Variants in ROBO2 observed in about 807,000 individuals in gnomAD.
ROBO2 encodes roundabout guidance receptor 2, also known as roundabout homolog 2.
A neutral mutation model predicts 160.8 loss-of-function variants in ROBO2; 53 were observed. The observed-to-expected ratio is 0.33, with a 90% CI of 0.26 to 0.41. The LOEUF (loss-of-function observed/expected upper bound fraction) is 0.41, where lower values mean the gene tolerates loss of function less well. Ranked by LOEUF, ROBO2 falls within the 10% of genes least tolerant of loss-of-function variation. ROBO2 has a pLI of 1.00. For missense variants in ROBO2, 1,577 were observed against 1,722.4 expected (o/e 0.92, Z 1.49); for synonymous variants, 664 against 611.7 (o/e 1.09, Z -1.26).
At chr3:77,179,909 T>C (rs2080544176) in intron 2 of ROBO2, among the ~76,000 whole-genome samples, 1 of 152,088 alleles carries the variant, frequency 6.6e-6, no homozygotes, top group Admixed American at 6.6e-5. Context: ...AGCCCGTTTG[T>C]AATTAGATAA....
At chr3:76,036,581 C>T (rs1028839388) in intron 2 of ROBO2, among the ~76,000 whole-genome samples, 11 of 151,114 alleles carry the variant, frequency 7.3e-5, no homozygotes, top group East Asian at 4.0e-4. Flanking sequence ...CTCGGCTCAC[C>T]GCAACCTCTG....
At chr3:77,442,445 C>T (rs73101708) in intron 2 of ROBO2, among the ~76,000 whole-genome samples, 341 of 152,100 alleles carry the variant, frequency 2.2e-3, no homozygotes, top group Non-Finnish European at 4.4e-3. Context: ...AATTTTCAAA[C>T]TTTTTTCACC....
chr3:76,856,938 G>T (rs1433378727), intron 2 of ROBO2, among the ~76,000 whole-genome samples: 1 of 152,180 alleles, frequency 6.6e-6, no homozygotes, highest in East Asian at 1.9e-4. Flanking sequence ...TACCGCATTT[G>T]CATATGGCAT....
intron 2 of ROBO2, among the ~76,000 whole-genome samples, chr3:76,387,504 A>T (rs1189224187): frequency 6.6e-6 from 1 of 152,168 alleles, no homozygotes; most frequent in African/African-American, 2.4e-5. Flanking sequence ...CTGAATCTCA[A>T]TTACCTAAAA....
intron 2 of ROBO2, among the ~76,000 whole-genome samples, chr3:76,790,609 G>A (rs567985809): frequency 1.3e-5 from 2 of 151,726 alleles, no homozygotes; most frequent in African/African-American, 4.8e-5. Context: ...CTACAGTTGG[G>A]CAAAATTATC....
intron 2 of ROBO2, among the ~76,000 whole-genome samples, chr3:77,339,906 CT>C (rs1560572143): frequency 5.3e-5 from 8 of 152,052 alleles, no homozygotes; most frequent in Non-Finnish European, 7.4e-5. Flanking sequence ...TACCAGATAG[CT>C]ACTTTTTATT....
chr3:76,075,456 C>T (rs1157538382), intron 2 of ROBO2, among the ~76,000 whole-genome samples: 1 of 141,314 alleles, frequency 7.1e-6, no homozygotes, highest in African/African-American at 2.7e-5. Context: ...AAAATGTTCT[C>T]CTGAAGACTT....
At chr3:76,148,913 A>G (rs192758844) in intron 2 of ROBO2, among the ~76,000 whole-genome samples, 1 of 152,038 alleles carries the variant, frequency 6.6e-6, no homozygotes, top group African/African-American at 2.4e-5. Context: ...TATCTCATTC[A>G]GTCACATAGT....
At chr3:76,763,560 AT>A (rs1277218380) in intron 2 of ROBO2, among the ~76,000 whole-genome samples, 1 of 85,734 alleles carries the variant, frequency 1.2e-5, no homozygotes, top group African/African-American at 4.7e-5. Context: ...TTTAAAAAAT[AT>A]TTTCCATCAT....
chr3:77,167,639 T>G (rs1261502283), intron 2 of ROBO2, among the ~76,000 whole-genome samples: 1 of 152,222 alleles, frequency 6.6e-6, no homozygotes, highest in Non-Finnish European at 1.5e-5. Context: ...ATTTTCTGCA[T>G]GATATTTAGG....
In ROBO2 at chr3:77,563,171, TG is replaced by T; in HGVS notation, c.1526del (p.Gly509GlufsTer10). 6.2e-7 allele frequency: 1 copy of T among 1,613,164 alleles called. No individual in the cohort carries two copies. Among genetic ancestry groups the T allele is most frequent in the Non-Finnish European group, 8.5e-7 (1 of 1,179,690 alleles). On this transcript the variant is annotated frameshift_variant, in exon 11 of 26. Transcript: ENST00000461745. LOFTEE classifies it high-confidence loss of function. ...TTTTCTGTCTGTCCTCTATAGAGTC[TG>T]GAGCAACAATCAGTAAAAACTATGA...
At chr3:76,592,695 C>T (rs1047023346) in intron 2 of ROBO2, among the ~76,000 whole-genome samples, 3 of 152,040 alleles carry the variant, frequency 2.0e-5, no homozygotes, top group Non-Finnish European at 4.4e-5. Flanking sequence ...GTAGGCCAGA[C>T]GTCCTGGTGT....
chr3:76,302,478 CAG>C (rs1057099273), intron 2 of ROBO2, among the ~76,000 whole-genome samples: 2 of 152,010 alleles, frequency 1.3e-5, no homozygotes, highest in African/African-American at 4.8e-5. Flanking sequence ...CAAGAGCACT[CAG>C]GGGAGAACCG....
At chr3:77,068,200 G>A (rs1459719240) in intron 1 of ROBO2, among the ~76,000 whole-genome samples, 1 of 152,090 alleles carries the variant, frequency 6.6e-6, no homozygotes, top group Non-Finnish European at 1.5e-5. Context: ...ACCACTGAGA[G>A]TGCACAGGCT....
At chr3:77,596,233 G>A (rs764862302) in intron 18 of ROBO2, among the ~76,000 whole-genome samples, 3 of 152,142 alleles carry the variant, frequency 2.0e-5, no homozygotes, top group Non-Finnish European at 4.4e-5. Context: ...ACGTAAGGTA[G>A]CTGCAGGAAT....
intron 2 of ROBO2, among the ~76,000 whole-genome samples, chr3:76,523,216 A>G (rs1163939146): frequency 6.6e-6 from 1 of 151,850 alleles, no homozygotes; most frequent in African/African-American, 2.4e-5. Context: ...TGTGTGTGAT[A>G]TGCCTGTCTA....
intron 2 of ROBO2, among the ~76,000 whole-genome samples, chr3:76,242,582 G>C (rs776607431): frequency 6.6e-6 from 1 of 152,010 alleles, no homozygotes; most frequent in Non-Finnish European, 1.5e-5. Flanking sequence ...ATAAATCTCC[G>C]AAGCAAGAAA....
At chr3:77,283,506 C>T (rs9812558) in intron 2 of ROBO2, among the ~76,000 whole-genome samples, 14,477 of 152,212 alleles carry the variant, frequency 0.095, 957 homozygotes, top group East Asian at 0.36. Context: ...AGTGAAGGCA[C>T]ATTTTTATCT....
chr3:76,586,017 T>C (rs978649406), intron 2 of ROBO2, among the ~76,000 whole-genome samples: 1 of 152,176 alleles, frequency 6.6e-6, no homozygotes, highest in African/African-American at 2.4e-5. Flanking sequence ...GGAAGTAATA[T>C]AGATAAACTT....
Sources: gnomAD v4.1 joint callset for allele counts (sites outside exome capture counted in the v4.1 genomes callset) on GRCh38, gnomAD v4.1.1 for gene constraint, MANE v1.5 for transcripts, NCBI Gene and HGNC (gene_info 2026-07-23, HGNC 2026-07-21) for gene names.